Variants in SLC44A1 observed in about 807,000 individuals in gnomAD.
SLC44A1 encodes the protein choline transporter-like protein 1.
In SLC44A1, 26 loss-of-function variants were observed where a neutral mutation model predicts 79.3. That is an observed-to-expected ratio of 0.33 (90% confidence interval 0.24 to 0.46). The LOEUF is 0.46. Ranked by LOEUF, SLC44A1 falls within the 20% of genes least tolerant of loss-of-function variation. The pLI, the probability that SLC44A1 is intolerant of heterozygous loss-of-function variation, is 1.00. For synonymous variants in SLC44A1, 263 were observed against 286.2 expected (o/e 0.92, Z 0.82); for missense variants, 688 against 798.1 (o/e 0.86, Z 1.66).
At chr9:105,377,104 A>G (rs1322437299) in intron 13 of SLC44A1, among the ~76,000 whole-genome samples, 1 of 152,190 alleles carries the variant, frequency 6.6e-6, no homozygotes, top group Non-Finnish European at 1.5e-5. Context: ...CAACAAATAC[A>G]GCATTATTTA....
chr9:105,304,944 GTTTTTTTTTTTTTTTTTTTTT>G (rs10589897), intron 2 of SLC44A1, among the ~76,000 whole-genome samples: 9 of 20,084 alleles, frequency 4.5e-4, no homozygotes, highest in African/African-American at 1.2e-3. Flanking sequence ...ACTTTCTATC[GTTTTTTTTTTTTTTTTTTTTT>G]TTTTTTTTTT....
chr9:105,299,246 G>T lies in SLC44A1; in HGVS notation c.63G>T (p.Leu21=). ...AQSSKREWKP[L]EDRSCTDIPW... is the part of the protein sequence containing the mutation. ...GCTCCAAACGAGAATGGAAGCCGCT[G>T]GAGGACCGTAGCTGCACAGACATAC... The change falls in exon 2 of 16, where the codon CTG becomes CTT. Residue 21 remains leucine, a synonymous_variant. Coordinates refer to ENST00000374720, the MANE Select transcript of SLC44A1 (RefSeq NM_080546.5). 1 of 1,592,012 alleles carries T rather than the reference G, an allele frequency of 6.3e-7. No homozygotes were observed. The highest frequency in any genetic ancestry group is 1.2e-5 in the South Asian group (1 of 86,756).
chr9:105,407,183 AAG>A (rs1243647721), intron 15 of SLC44A1, among the ~76,000 whole-genome samples: 2 of 152,166 alleles, frequency 1.3e-5, no homozygotes, highest in Non-Finnish European at 2.9e-5. Context: ...CCAGAAAGAG[AAG>A]AGAGAAAGAA....
Position 105,299,299 on chromosome 9 carries a change from G to T in SLC44A1, c.116G>T (p.Cys39Phe). 3.8e-6 allele frequency: 6 copies of T among 1,581,168 alleles called. No homozygotes were observed. The highest frequency in any genetic ancestry group is 5.1e-6 in the Non-Finnish European group (6 of 1,168,142). The change falls in exon 2 of 16, where the codon TGC (cysteine) becomes TTC (phenylalanine). Residue 39 changes from cysteine to phenylalanine, a missense_variant. Coordinates refer to ENST00000374720, the MANE Select transcript of SLC44A1 (RefSeq NM_080546.5). ...IPWLLLFILF[C>F]IGMGFICGFS... is the part of the protein sequence containing the mutation. ...TGGCTGCTGCTCTTCATCCTCTTCT[G>T]CATTGGGATGGTAAGGAAACTCTCA...
intron 1 of SLC44A1, among the ~76,000 whole-genome samples, chr9:105,256,792 T>C (rs1829718589): frequency 6.7e-6 from 1 of 148,348 alleles, no homozygotes; most frequent in Non-Finnish European, 1.5e-5. Context: ...TTTTATTTTA[T>C]TTTATTATTT....
At position 105,388,925 on chromosome 9, in the gene SLC44A1, T is replaced by C; in HGVS notation, c.1951-108T>C. On this transcript the variant is annotated intron_variant, in intron 15 of 15. Transcript: ENST00000374720. Reference sequence around the variant, plus strand: ...TCAGGGGAGAAGGATTCTCAGTCCATTTTGCTGTCTTGCTGTTTGTGACCA... The same window carrying C: ...TCAGGGGAGAAGGATTCTCAGTCCACTTTGCTGTCTTGCTGTTTGTGACCA... 2.5e-6 allele frequency: 2 copies of C among 805,848 alleles called. 1 individual carries two copies. The highest frequency in any genetic ancestry group is 3.4e-5 in the African/African-American group (2 of 59,374). The allele number at this position is 805,848 out of a possible 1,614,324, so 49.9% of individuals were successfully genotyped here. A position where few individuals can be genotyped will look rare whatever the true frequency, so the allele number is the denominator to read the frequency against.
chr9:105,319,139 A>G (rs1826302616), intron 3 of SLC44A1, among the ~76,000 whole-genome samples: 1 of 152,104 alleles, frequency 6.6e-6, no homozygotes, highest in African/African-American at 2.4e-5. Flanking sequence ...GAGGGCATCT[A>G]AGAAGTTAGA....
At chr9:105,256,844 G>A (rs376219069) in intron 1 of SLC44A1, among the ~76,000 whole-genome samples, 99 of 151,316 alleles carry the variant, frequency 6.5e-4, no homozygotes, top group African/African-American at 2.4e-3. Flanking sequence ...CTGAAGTGCA[G>A]TGGCGTGATC....
intron 2 of SLC44A1, among the ~76,000 whole-genome samples, chr9:105,304,945 T>TTTTTTTTTG (rs1564426082): frequency 0.01 from 130 of 12,834 alleles, 57 homozygotes; most frequent in Non-Finnish European, 0.015. Context: ...CTTTCTATCG[T>TTTTTTTTTG]TTTTTTTTTT....
chr9:105,342,794 T>G (rs1181074227), intron 4 of SLC44A1, among the ~76,000 whole-genome samples: 1 of 152,156 alleles, frequency 6.6e-6, no homozygotes, highest in East Asian at 1.9e-4. Flanking sequence ...ATGCTTTGCG[T>G]ATTGTTTTGA....
rs574957050 is a variant in SLC44A1, at chr9:105,421,761, G to A, written c.1951-16520G>A. 5.9e-5 allele frequency among the ~76,000 whole-genome samples: 9 copies of A among 152,100 alleles called. 1 individual carries two copies. The highest frequency in any genetic ancestry group is 1.9e-4 in the African/African-American group (8 of 41,502). ...TACCACGGCGCCCGGCTAATTTTTT[G>A]TATTTTTAGTAGAGGCGGGGTTTCA... On this transcript the variant is annotated intron_variant, in intron 15 of 15. Transcript: ENST00000374724.
At chr9:105,410,865 A>T (rs1444521144) in intron 15 of SLC44A1, among the ~76,000 whole-genome samples, 1 of 152,200 alleles carries the variant, frequency 6.6e-6, no homozygotes, top group Non-Finnish European at 1.5e-5. Flanking sequence ...AAAAGAAATG[A>T]GGTACTCATA....
At chr9:105,399,602 G>T (rs1828930161), downstream of SLC44A1, among the ~76,000 whole-genome samples, 1 of 152,178 alleles carries the variant, frequency 6.6e-6, no homozygotes, top group African/African-American at 2.4e-5. Flanking sequence ...CTTCCTGTTA[G>T]TCCTGTCAAA....
intron 15 of SLC44A1, among the ~76,000 whole-genome samples, chr9:105,421,941 T>C (rs991312374): frequency 2.0e-5 from 3 of 152,158 alleles, no homozygotes; most frequent in African/African-American, 7.2e-5. Flanking sequence ...TATTTTTCAG[T>C]CTTGCACAGG....
rs1250842249 is a variant in SLC44A1 at position 105,309,585 on chromosome 9, A to C, written c.127-139A>C. ...TGTTTATGTGCAATCCAAGGAAAAC[A>C]GTGGAATAGTGTTTGCAGTAAGAAA... On this transcript the variant is annotated intron_variant, in intron 2 of 15. Coordinates refer to ENST00000374720, the MANE Select transcript of SLC44A1 (RefSeq NM_080546.5). 8.7e-6 allele frequency: 6 copies of C among 689,930 alleles called. No individual in the cohort carries two copies. In the East Asian group the frequency reaches 1.6e-4, roughly 19 times the overall value. 42.7% of individuals were successfully genotyped at this position (689,930 alleles called of 1,614,324 possible).
At position 105,389,666 on chromosome 9, in the gene SLC44A1, A is replaced by G. The variant is rs1828713786; in HGVS notation, c.*610A>G. The G allele has an allele frequency of 2.4e-6, 3 of 1,232,088 alleles. No individual in the cohort carries two copies. Among genetic ancestry groups the G allele is most frequent in the South Asian group, 3.9e-5 (1 of 25,950 alleles). 76.3% of individuals were successfully genotyped at this position (1,232,088 alleles called of 1,614,324 possible). Reference sequence around the variant, plus strand: ...ATAGTTCATACATTTGTCAGCCAACATTAAAAGGTAACCAACTCCTCAGGT... The same window carrying G: ...ATAGTTCATACATTTGTCAGCCAACGTTAAAAGGTAACCAACTCCTCAGGT... On this transcript the variant is annotated 3_prime_UTR_variant, in exon 16 of 16. Transcript: ENST00000374720.
intron 1 of SLC44A1, among the ~76,000 whole-genome samples, chr9:105,295,979 T>C (rs955368011): frequency 1.3e-5 from 2 of 152,204 alleles, no homozygotes; most frequent in Non-Finnish European, 2.9e-5. Flanking sequence ...AAATGAAATA[T>C]GCCACCATTA....
rs758979346 is a variant in SLC44A1 at position 105,356,344 on chromosome 9, C to T, written c.633C>T (p.Ser211=). The change falls in exon 6 of 16, where the codon AGC becomes AGT. Residue 211 remains serine, a synonymous_variant. Coordinates refer to ENST00000374720, the MANE Select transcript of SLC44A1 (RefSeq NM_080546.5). ...GGCTGATTAGTGGAGTAATGACCAG[C>T]AAAGAAATTATATTGGGACTTTGCT... ...LHRLISGVMT[S]KEIILGLCLL... 12 of 1,606,066 alleles carry T rather than the reference C, an allele frequency of 7.5e-6. No individual in the cohort carries two copies. In the Admixed American group the frequency reaches 1.9e-4, roughly 25 times the overall value.
At chr9:105,438,036 A>G (rs1270948667) in intron 15 of SLC44A1, among the ~76,000 whole-genome samples, 1 of 152,076 alleles carries the variant, frequency 6.6e-6, no homozygotes, top group Non-Finnish European at 1.5e-5. Context: ...TCAATTTTAT[A>G]CATTGGGAAA....
Sources: gnomAD v4.1 joint callset for allele counts (sites outside exome capture counted in the v4.1 genomes callset) on GRCh38, gnomAD v4.1.1 for gene constraint, MANE v1.5 for transcripts, NCBI Gene and HGNC (gene_info 2026-07-23, HGNC 2026-07-21) for gene names.